The following TCF12 variants were observed in gnomAD, a reference collection of about 807,000 sequenced individuals.
TCF12 encodes transcription factor 12, also known as DNA-binding protein HTF4.
TCF12 carries 45 observed loss-of-function variants against 86.0 expected under a neutral mutation model. The observed-to-expected ratio is 0.52, with a 90% CI of 0.41 to 0.67. The LOEUF is 0.67. Among genes scored for constraint, TCF12 ranks in the 30% least tolerant of loss-of-function variants. The pLI is 0.00. For synonymous variants in TCF12, 330 were observed against 299.6 expected, an observed-to-expected ratio of 1.10 and a Z score of -1.05; for missense variants, 881 against 859.9, an observed-to-expected ratio of 1.02 and a Z score of -0.31.
At chr15:57,056,911 G>T (rs1348441481) in intron 3 of TCF12, among the ~76,000 whole-genome samples, 4 of 150,264 alleles carry the variant, frequency 2.7e-5, no homozygotes, top group Non-Finnish European at 4.4e-5. Context: ...GGGTCATCTT[G>T]CTGTTGGCCT....
At chr15:56,965,749 C>G (rs2061974333) in intron 3 of TCF12, among the ~76,000 whole-genome samples, 5 of 151,996 alleles carry the variant, frequency 3.3e-5, no homozygotes, top group Admixed American at 3.3e-4. Context: ...GGGATATTCC[C>G]CATTTGCAGG....
intron 5 of TCF12, among the ~76,000 whole-genome samples, chr15:57,165,710 G>T (rs2054841332): frequency 6.6e-6 from 1 of 150,950 alleles, no homozygotes; most frequent in Non-Finnish European, 1.5e-5. Context: ...CTAATTTTTT[G>T]TATTTTTAGT....
intron 3 of TCF12, among the ~76,000 whole-genome samples, chr15:56,995,191 G>A (rs2063642716): frequency 7.8e-6 from 1 of 127,884 alleles, no homozygotes; most frequent in African/African-American, 2.9e-5. Context: ...GGTTACTGTA[G>A]CCTTGTACAG....
chr15:56,942,624 C>T (rs184735640), intron 3 of TCF12, among the ~76,000 whole-genome samples: 7 of 133,360 alleles, frequency 5.2e-5, no homozygotes, highest in Non-Finnish European at 9.5e-5. Flanking sequence ...GTAAGATGAA[C>T]AAGTTGCTTT....
chr15:56,919,147 C>A (rs1684388241), intron 1 of TCF12: 1 of 151,546 alleles, frequency 6.6e-6, no homozygotes, highest in Admixed American at 6.6e-5. Context: ...GTTCGGTGCC[C>A]GACTCGGGCC....
intron 6 of TCF12, among the ~76,000 whole-genome samples, chr15:57,184,825 C>G (rs2056571996): frequency 6.6e-6 from 1 of 152,062 alleles, no homozygotes; most frequent in Non-Finnish European, 1.5e-5. Flanking sequence ...TTAATGATTC[C>G]TAGGTCATAC....
chr15:56,929,517 C>G (rs1231983355), intron 3 of TCF12, among the ~76,000 whole-genome samples: 4 of 151,870 alleles, frequency 2.6e-5, no homozygotes. Flanking sequence ...AAAATGTGCT[C>G]TCATGTGTTC....
At chr15:56,992,900 A>T (rs906857669) in intron 3 of TCF12, among the ~76,000 whole-genome samples, 1 of 152,194 alleles carries the variant, frequency 6.6e-6, no homozygotes, top group African/African-American at 2.4e-5. Context: ...ACTGAGAAGA[A>T]GTTAGAGGTT....
intron 3 of TCF12, among the ~76,000 whole-genome samples, chr15:57,011,480 A>G (rs755896743): frequency 9.2e-5 from 14 of 152,162 alleles, no homozygotes; most frequent in African/African-American, 1.7e-4. Flanking sequence ...CCGTGAGCCA[A>G]TTAAACCTCT....
At chr15:57,076,426 G>A (rs2070045394) in intron 4 of TCF12, among the ~76,000 whole-genome samples, 1 of 152,032 alleles carries the variant, frequency 6.6e-6, no homozygotes, top group Non-Finnish European at 1.5e-5. Context: ...GGGAGACTGA[G>A]GCGGGATCAC....
chr15:57,183,976 C>T (rs1270573221), intron 6 of TCF12, among the ~76,000 whole-genome samples: 1 of 152,046 alleles, frequency 6.6e-6, no homozygotes, highest in African/African-American at 2.4e-5. Context: ...TTATTTCTTT[C>T]CTCTCTCAGC....
chr15:57,228,774 G>T (rs1475295026), intron 8 of TCF12, among the ~76,000 whole-genome samples: 1 of 151,718 alleles, frequency 6.6e-6, no homozygotes, highest in African/African-American at 2.4e-5. Flanking sequence ...GAAATACAGC[G>T]AATTGAATGG....
At chr15:57,146,710 T>G (rs2053388110) in intron 5 of TCF12, among the ~76,000 whole-genome samples, 1 of 152,208 alleles carries the variant, frequency 6.6e-6, no homozygotes, top group Admixed American at 6.5e-5. Flanking sequence ...ATATTATACA[T>G]TCCTCTAAAG....
chr15:57,052,391 A>C (rs1412132074), intron 3 of TCF12, among the ~76,000 whole-genome samples: 1 of 152,132 alleles, frequency 6.6e-6, no homozygotes, highest in African/African-American at 2.4e-5. Flanking sequence ...CAGTCTCAGC[A>C]CTTTGGGAGG....
intron 6 of TCF12, among the ~76,000 whole-genome samples, chr15:57,170,689 AAT>A (rs1555526103): frequency 7.2e-4 from 17 of 23,554 alleles, no homozygotes; most frequent in Non-Finnish European, 1.7e-3. Context: ...TATTATATAT[AAT>A]ATATATTATA....
intron 6 of TCF12, among the ~76,000 whole-genome samples, chr15:57,168,478 G>A (rs1478483622): frequency 1.1e-4 from 16 of 152,184 alleles, no homozygotes; most frequent in Admixed American, 1.0e-3. Flanking sequence ...ATCCATTGAT[G>A]AAAACCAAAA....
chr15:56,920,475 TAC>T (rs199682082), intron 2 of TCF12, among the ~76,000 whole-genome samples: 18 of 112,670 alleles, frequency 1.6e-4, no homozygotes, highest in South Asian at 6.8e-4. Flanking sequence ...TTTTATTTTA[TAC>T]ACACACACAC....
chr15:57,044,393 C>G (rs2067092783), intron 3 of TCF12, among the ~76,000 whole-genome samples: 1 of 150,836 alleles, frequency 6.6e-6, no homozygotes, highest in Admixed American at 6.9e-5. Flanking sequence ...GAAACCCCGT[C>G]TCTTAAAAAA....
rs1334325708 is a variant in TCF12 at position 57,289,194 on chromosome 15, T to C, written c.*3049T>C. 5.9e-5 allele frequency: 9 copies of C among 152,210 alleles called. No individual in the cohort carries two copies. The highest frequency in any genetic ancestry group is 1.4e-4 in the African/African-American group (6 of 41,460). 9.4% of individuals were successfully genotyped at this position (152,210 alleles called of 1,614,324 possible). On this transcript the variant is annotated 3_prime_UTR_variant, in exon 21 of 21. Coordinates refer to ENST00000333725, the MANE Select transcript of TCF12 (RefSeq NM_207037.2). ...TGAATTATGAAATCCACTGTTCACA[T>C]TGGGTGCCTAACAGAACATTTTGCT...
Sources: allele counts gnomAD v4.1 joint callset (sites outside exome capture counted in the v4.1 genomes callset), GRCh38; gene constraint gnomAD v4.1.1; transcripts MANE v1.5; gene names NCBI Gene and HGNC (gene_info 2026-07-23, HGNC 2026-07-21).